The following ADAMTSL1 variants were observed in gnomAD, a reference collection of about 807,000 sequenced individuals.
The protein encoded by ADAMTSL1 is ADAMTS like 1, also known as ADAMTS-like protein 1.
ADAMTSL1 carries 126 observed loss-of-function variants against 201.8 expected under a neutral mutation model. The ratio of observed to expected loss-of-function variants is 0.62; its 90% CI spans 0.54 to 0.72. The LOEUF is 0.72. Ranked by LOEUF, ADAMTSL1 falls within the 30% of genes least tolerant of loss-of-function variation. The probability of loss-of-function intolerance (pLI) is 0.00; values close to 1 mark genes in which losing one functional copy is unlikely to be tolerated. For synonymous variants in ADAMTSL1, 1,121 were observed against 903.4 expected, an observed-to-expected ratio of 1.24 and a Z score of -4.32; for missense variants, 2,679 against 2,277.8, an observed-to-expected ratio of 1.18 and a Z score of -3.59.
At chr9:18,388,860 G>A (rs150969147) in intron 2 of ADAMTSL1, among the ~76,000 whole-genome samples, 20,250 of 151,596 alleles carry the variant, frequency 0.13, 1,461 homozygotes, top group South Asian at 0.28. Flanking sequence ...AGGTTCAAGC[G>A]ATTATCCTGC....
rs562472042 is a variant in ADAMTSL1 at position 18,805,713 on chromosome 9, A to G, written c.3805+10189A>G. On this transcript the variant is annotated intron_variant, in intron 20 of 28. Transcript: ENST00000380548. ...TGCCCCCTGCAGGCATCACTAGCTCATCGTGTGTTTTTGCTCTTCAGCCCT... is the reference window on the plus strand; with the variant it reads ...TGCCCCCTGCAGGCATCACTAGCTCGTCGTGTGTTTTTGCTCTTCAGCCCT... 1.1e-4 allele frequency among the ~76,000 whole-genome samples: 16 copies of G among 152,254 alleles called. 2 individuals are homozygous for G. Among genetic ancestry groups the G allele is most frequent in the African/African-American group, 3.1e-4 (13 of 41,530 alleles).
At chr9:18,855,906 G>T (rs1826814091) in intron 23 of ADAMTSL1, among the ~76,000 whole-genome samples, 1 of 152,198 alleles carries the variant, frequency 6.6e-6, no homozygotes, top group Non-Finnish European at 1.5e-5. Context: ...TGTCCTGCCA[G>T]CTTCCTGAGC....
intron 1 of ADAMTSL1, among the ~76,000 whole-genome samples, chr9:17,983,818 A>C (rs1011475676): frequency 1.3e-5 from 2 of 152,166 alleles, no homozygotes; most frequent in Non-Finnish European, 2.9e-5. Context: ...GTTAAAAAAA[A>C]AATCCAGCAC....
chr9:17,972,248 G>T (rs1016524819), intron 1 of ADAMTSL1, among the ~76,000 whole-genome samples: 1 of 136,956 alleles, frequency 7.3e-6, no homozygotes, highest in Non-Finnish European at 1.6e-5. Context: ...GTGCCATGTT[G>T]GTGTGCTGCA....
At chr9:18,433,763 A>T (rs1819599808) in intron 2 of ADAMTSL1, among the ~76,000 whole-genome samples, 1 of 152,230 alleles carries the variant, frequency 6.6e-6, no homozygotes, top group South Asian at 2.1e-4. Context: ...AGAGTAGACT[A>T]GGAAAGTTTT....
At chr9:18,104,317 T>C (rs1323161654) in intron 1 of ADAMTSL1, among the ~76,000 whole-genome samples, 1 of 152,172 alleles carries the variant, frequency 6.6e-6, no homozygotes, top group Non-Finnish European at 1.5e-5. Flanking sequence ...CTTCCACTGA[T>C]GAAATTTTCA....
chr9:18,811,431 G>C (rs547166954), intron 20 of ADAMTSL1, among the ~76,000 whole-genome samples: 4 of 152,338 alleles, frequency 2.6e-5, no homozygotes, highest in Admixed American at 2.0e-4. Context: ...AAGGTGAGGA[G>C]GCTCCTCCCA....
intron 15 of ADAMTSL1, among the ~76,000 whole-genome samples, chr9:18,739,330 C>T (rs1377015727): frequency 1.3e-5 from 2 of 152,188 alleles, no homozygotes; most frequent in African/African-American, 4.8e-5. Flanking sequence ...CAGTCTGGTT[C>T]TTGACATTAT....
intron 2 of ADAMTSL1, among the ~76,000 whole-genome samples, chr9:18,299,367 T>C (rs145403511): frequency 3.0e-4 from 46 of 152,332 alleles, no homozygotes; most frequent in Middle Eastern, 3.4e-3. Flanking sequence ...GTATTTCATA[T>C]CTTATTTTTA....
intron 2 of ADAMTSL1, among the ~76,000 whole-genome samples, chr9:18,165,871 C>T (rs866849072): frequency 6.6e-6 from 1 of 151,876 alleles, no homozygotes; most frequent in South Asian, 2.1e-4. Context: ...TCGCCGTAAT[C>T]TCCGTTTGTC....
At chr9:18,643,838 G>A (rs1335663852) in intron 7 of ADAMTSL1, among the ~76,000 whole-genome samples, 2 of 150,884 alleles carry the variant, frequency 1.3e-5, no homozygotes, top group East Asian at 1.9e-4. Flanking sequence ...TTTCTTTTTT[G>A]TTCTAGATTG....
chr9:18,602,740 A>G (rs1270637188), intron 4 of ADAMTSL1, among the ~76,000 whole-genome samples: 1 of 152,190 alleles, frequency 6.6e-6, no homozygotes, highest in African/African-American at 2.4e-5. Context: ...CCATACTGAT[A>G]AAGGAATACA....
chr9:18,622,528 AG>A, intron 5 of ADAMTSL1, 159 bp downstream of exon 5: 1 of 1,110,148 alleles, frequency 9.0e-7, no homozygotes, highest in Non-Finnish European at 1.3e-6. Flanking sequence ...GAATTAGCTT[AG>A]GTGGGACAAG....
At chr9:18,090,494 C>G (rs1195818722) in intron 1 of ADAMTSL1, among the ~76,000 whole-genome samples, 1 of 152,072 alleles carries the variant, frequency 6.6e-6, no homozygotes, top group African/African-American at 2.4e-5. Context: ...ATTCAGTCAC[C>G]AAAGGATAAA....
chr9:18,676,495 C>T (rs958747896), intron 10 of ADAMTSL1, among the ~76,000 whole-genome samples: 7 of 152,050 alleles, frequency 4.6e-5, no homozygotes, highest in African/African-American at 1.7e-4. Flanking sequence ...AAGTACAGTA[C>T]TTTTGAAAAC....
intron 15 of ADAMTSL1, among the ~76,000 whole-genome samples, chr9:18,741,579 G>T (rs1476608178): frequency 6.6e-6 from 1 of 152,176 alleles, no homozygotes; most frequent in Non-Finnish European, 1.5e-5. Flanking sequence ...TAATCTGCTG[G>T]GGCTTCCATA....
At chr9:18,425,404 A>C (rs1203583509) in intron 2 of ADAMTSL1, among the ~76,000 whole-genome samples, 1 of 33,308 alleles carries the variant, frequency 3.0e-5, no homozygotes, top group African/African-American at 5.0e-5. Context: ...TTCTGTTAGA[A>C]TAGCAAAAAT....
intron 4 of ADAMTSL1, among the ~76,000 whole-genome samples, chr9:18,598,876 G>T (rs975469922): frequency 2.0e-5 from 3 of 152,044 alleles, no homozygotes; most frequent in Non-Finnish European, 4.4e-5. Flanking sequence ...AAGGGACGGG[G>T]TGGGCTGGGG....
intron 1 of ADAMTSL1, among the ~76,000 whole-genome samples, chr9:18,060,725 CT>C (rs1420637731): frequency 2.0e-5 from 3 of 152,166 alleles, no homozygotes; most frequent in African/African-American, 7.2e-5. Context: ...GCCCCCTATC[CT>C]GAACTTTTAG....
Sources: gnomAD v4.1 joint callset for allele counts (sites outside exome capture counted in the v4.1 genomes callset) on GRCh38, gnomAD v4.1.1 for gene constraint, MANE v1.5 for transcripts, NCBI Gene and HGNC (gene_info 2026-07-23, HGNC 2026-07-21) for gene names.